Variants in CMC1 observed in about 807,000 individuals in gnomAD.
CMC1 encodes C-X9-C motif containing 1, also known as COX assembly mitochondrial protein homolog.
CMC1 carries 14 observed loss-of-function variants against 14.1 expected under a neutral mutation model. That is an observed-to-expected ratio of 0.99 (90% CI 0.66 to 1.55). CMC1 has a LOEUF of 1.55. CMC1 is among the 40% of genes most tolerant of loss of function. The pLI, the probability that CMC1 is intolerant of heterozygous loss-of-function variation, is 0.00. For missense variants in CMC1, 127 were observed against 123.8 expected (o/e 1.03, Z -0.12); for synonymous variants, 50 against 38.4 (o/e 1.30, Z -1.12).
intron 3 of CMC1, chr3:28,318,450 C>T (rs928064843): frequency 2.0e-5 from 3 of 146,660 alleles, no homozygotes; most frequent in Non-Finnish European, 4.6e-5. Flanking sequence ...TGTTTTTAAT[C>T]TACTCCTTAA....
At chr3:28,272,739 A>G (rs1700361000) in intron 2 of CMC1, among the ~76,000 whole-genome samples, 1 of 151,816 alleles carries the variant, frequency 6.6e-6, no homozygotes, top group Non-Finnish European at 1.5e-5. Flanking sequence ...GCTGGAGTGT[A>G]GTGGTGTGAT....
rs188618172 is a variant in CMC1, at chr3:28,278,868, G to A, written c.109+15488G>A. Among the ~76,000 whole-genome samples, 15 of 152,282 alleles carry A rather than the reference G, an allele frequency of 9.9e-5. No individual in the cohort carries two copies. In the East Asian group the frequency reaches 2.7e-3, roughly 27 times the overall value. On this transcript the variant is annotated intron_variant, in intron 2 of 3. Coordinates refer to ENST00000466830, the MANE Select transcript of CMC1 (RefSeq NM_182523.2). ...CAAAGATAGCAAATACAGTTCATCT[G>A]TGTCAACTTTAATCAGTTGATAGTG...
At chr3:28,246,310 T>C (rs1698826644) in intron 1 of CMC1, among the ~76,000 whole-genome samples, 1 of 152,168 alleles carries the variant, frequency 6.6e-6, no homozygotes, top group South Asian at 2.1e-4. Context: ...CTGTGAAATT[T>C]GAAAAACACA....
At chr3:28,298,644 A>C (rs551603681) in intron 2 of CMC1, among the ~76,000 whole-genome samples, 47 of 151,876 alleles carry the variant, frequency 3.1e-4, no homozygotes, top group Non-Finnish European at 1.3e-4. Context: ...CAAGCCAAAA[A>C]TCATTTCTAT....
At chr3:28,298,404 T>C (rs1012865454) in intron 2 of CMC1, 5 of 149,554 alleles carry the variant, frequency 3.3e-5, no homozygotes, top group Non-Finnish European at 4.4e-5. Context: ...GTTTGTGAGG[T>C]TTAGAAATAG....
intron 2 of CMC1, among the ~76,000 whole-genome samples, chr3:28,271,540 T>C (rs987197348): frequency 6.6e-6 from 1 of 152,226 alleles, no homozygotes; most frequent in African/African-American, 2.4e-5. Flanking sequence ...CTGAGTTCTC[T>C]ATTCTGTTTC....
rs376321066 is a variant in CMC1, at chr3:28,274,212, G to GTTTTT, written c.109+10835_109+10839dup. ...TTGGTCTTTGTACTAAAGTGTTTTT[G>GTTTTT]TTTTTTTCTTTTTTTTTTTTTTTGC... On this transcript the variant is annotated intron_variant, in intron 2 of 3. Coordinates refer to ENST00000466830, the MANE Select transcript of CMC1 (RefSeq NM_182523.2). Among the ~76,000 whole-genome samples the GTTTTT allele has an allele frequency of 9.8e-3, 865 of 87,882 alleles. 44 individuals carry two copies. The highest frequency in any genetic ancestry group is 0.013 in the Non-Finnish European group (615 of 46,198). 57.7% of individuals were successfully genotyped at this position (87,882 alleles called of 152,430 possible).
Position 28,292,385 on chromosome 3 carries a change from A to G in CMC1, c.110-23948A>G, listed in dbSNP as rs374352576. Among the ~76,000 whole-genome samples, 9 of 152,166 alleles carry G rather than the reference A, an allele frequency of 5.9e-5. No individual in the cohort carries two copies. In the East Asian group the frequency reaches 9.7e-4, roughly 16 times the overall value. On this transcript the variant is annotated intron_variant, in intron 2 of 3. Transcript: ENST00000466830. ...ATTAGCATGAAGACTAGTTTTTTCT[A>G]TCTAGAAAATTTCTTTTTCTCCTTC...
chr3:28,310,825 T>C (rs1702600223), intron 2 of CMC1, among the ~76,000 whole-genome samples: 1 of 152,208 alleles, frequency 6.6e-6, no homozygotes, highest in Non-Finnish European at 1.5e-5. Context: ...GATGAAACTA[T>C]TCCACCTCAG....
chr3:28,248,776 C>T (rs1698964714), intron 1 of CMC1, among the ~76,000 whole-genome samples: 2 of 152,086 alleles, frequency 1.3e-5, no homozygotes, highest in Non-Finnish European at 2.9e-5. Context: ...CGACAATCCT[C>T]TGTTCTATTT....
At chr3:28,260,659 T>A (rs989400626) in intron 1 of CMC1, among the ~76,000 whole-genome samples, 2 of 150,236 alleles carry the variant, frequency 1.3e-5, no homozygotes, top group Non-Finnish European at 3.0e-5. Flanking sequence ...TTACCCTTTT[T>A]CTGGTTTCTC....
chr3:28,280,962 A>G (rs561410482), intron 2 of CMC1, among the ~76,000 whole-genome samples: 2 of 152,352 alleles, frequency 1.3e-5, no homozygotes, highest in South Asian at 2.1e-4. Context: ...TATTGCCTAT[A>G]GCTGCTTTCA....
intron 2 of CMC1, among the ~76,000 whole-genome samples, chr3:28,289,561 G>A (rs1405240101): frequency 6.6e-6 from 1 of 151,386 alleles, no homozygotes; most frequent in African/African-American, 2.4e-5. Context: ...AGAAAACAGG[G>A]ATTTTTATGC....
intron 2 of CMC1, among the ~76,000 whole-genome samples, chr3:28,286,448 A>G (rs753646108): frequency 2.6e-4 from 40 of 152,280 alleles, no homozygotes; most frequent in Non-Finnish European, 5.0e-4. Context: ...AAAGTTATGC[A>G]AAACGTTTAT....
At chr3:28,302,551 G>A (rs1702108361) in intron 2 of CMC1, among the ~76,000 whole-genome samples, 1 of 152,066 alleles carries the variant, frequency 6.6e-6, no homozygotes, top group Non-Finnish European at 1.5e-5. Context: ...TCAAATTCTG[G>A]TAGCACTTAA....
rs781678255 is a variant in CMC1 at position 28,324,114 on chromosome 3, A to T, written c.*4485A>T. On this transcript the variant is annotated 3_prime_UTR_variant, in exon 4 of 4. Coordinates refer to ENST00000466830, the MANE Select transcript of CMC1 (RefSeq NM_182523.2). Reference sequence around the variant, plus strand: ...GTGGTGGAAGGTTGGGTAAAGGCAAAGTTTTAGTTTTAGTTTCCCCAAATG... The same window carrying T: ...GTGGTGGAAGGTTGGGTAAAGGCAATGTTTTAGTTTTAGTTTCCCCAAATG... The T allele has an allele frequency of 1.9e-6, 3 of 1,610,244 alleles. No individual in the cohort carries two copies. The highest frequency in any genetic ancestry group is 2.5e-6 in the Non-Finnish European group (3 of 1,177,402).
In CMC1 at chr3:28,241,774, G is replaced by A. The variant is rs1237176300; in HGVS notation, c.-20G>A. The A allele has an allele frequency of 2.4e-6, 3 of 1,241,330 alleles. No homozygotes were observed. The highest frequency in any genetic ancestry group is 2.0e-6 in the Non-Finnish European group (2 of 988,140). 76.9% of individuals were successfully genotyped at this position (1,241,330 alleles called of 1,614,324 possible). The stretch of plus-strand genomic sequence containing the variant: ...TGCCCCGGAGCCGCCAAGCGGCTAC[G>A]TTCTTCTCGGCCCGCCGAGATGGCG... On this transcript the variant is annotated 5_prime_UTR_variant, in exon 1 of 4. Coordinates refer to ENST00000466830, the MANE Select transcript of CMC1 (RefSeq NM_182523.2).
intron 2 of CMC1, among the ~76,000 whole-genome samples, chr3:28,308,432 T>A (rs1702446224): frequency 6.6e-6 from 1 of 152,188 alleles, no homozygotes; most frequent in South Asian, 2.1e-4. Flanking sequence ...TAGTTATTTT[T>A]AGCATAGTTG....
At chr3:28,284,353 C>G (rs1559422981) in intron 2 of CMC1, among the ~76,000 whole-genome samples, 1 of 152,122 alleles carries the variant, frequency 6.6e-6, no homozygotes, top group Non-Finnish European at 1.5e-5. Flanking sequence ...TAGAGTAGAA[C>G]CTTTACTTTG....
Sources: gnomAD v4.1 joint callset for allele counts (sites outside exome capture counted in the v4.1 genomes callset) on GRCh38, gnomAD v4.1.1 for gene constraint, MANE v1.5 for transcripts, NCBI Gene and HGNC (gene_info 2026-07-23, HGNC 2026-07-21) for gene names.